SLAMF6: variants seen among roughly 807,000 people sequenced by gnomAD.
SLAMF6 encodes SLAM family member 6.
In SLAMF6, 21 loss-of-function variants were observed where a neutral mutation model predicts 38.3. The observed-to-expected ratio is 0.55, with a 90% CI of 0.39 to 0.79. The LOEUF is 0.79. Ranked by LOEUF, SLAMF6 falls within the 30% of genes least tolerant of loss-of-function variation. The pLI is 0.00. For synonymous variants in SLAMF6, 152 were observed against 146.3 expected (o/e 1.04, Z -0.28); for missense variants, 341 against 385.3 (o/e 0.89, Z 0.96).
chr1:160,504,809 A>C (rs935152903), intron 1 of SLAMF6, among the ~76,000 whole-genome samples: 1 of 152,242 alleles, frequency 6.6e-6, no homozygotes, highest in African/African-American at 2.4e-5. Flanking sequence ...TCAGGCATTA[A>C]GAAAATGTCT....
At chr1:160,516,304 A>G (rs1654740032) in intron 1 of SLAMF6, among the ~76,000 whole-genome samples, 2 of 152,204 alleles carry the variant, frequency 1.3e-5, no homozygotes, top group Admixed American at 1.3e-4. Flanking sequence ...AAGGAAGTGA[A>G]GGAACCTCTT....
intron 1 of SLAMF6, among the ~76,000 whole-genome samples, chr1:160,518,523 A>G (rs1251079191): frequency 6.6e-6 from 1 of 152,152 alleles, no homozygotes; most frequent in Non-Finnish European, 1.5e-5. Flanking sequence ...AATCAACCCA[A>G]ATGCCCATCA....
chr1:160,496,524 G>A lies in SLAMF6; in HGVS notation c.50-131C>T, dbSNP rs1557938416. The A allele has an allele frequency of 6.0e-6, 5 of 838,014 alleles. No individual in the cohort carries two copies. In the East Asian group the frequency reaches 1.0e-4, roughly 17 times the overall value. 51.9% of individuals were successfully genotyped at this position (838,014 alleles called of 1,614,324 possible). A position where few individuals can be genotyped will look rare whatever the true frequency, so the allele number is the denominator to read the frequency against. On this transcript the variant is annotated intron_variant, in intron 1 of 7. Transcript: ENST00000368057. ...CAAAACTCAGAGATATGACAGAGTA[G>A]GAAAGGGTAGGAGATGTTTCTAAAT...
chr1:160,514,744 C>A (rs570533882), intron 1 of SLAMF6, among the ~76,000 whole-genome samples: 1 of 152,284 alleles, frequency 6.6e-6, no homozygotes, highest in South Asian at 2.1e-4. Flanking sequence ...ACAACCTGCT[C>A]CTGCATGACT....
intron 6 of SLAMF6, among the ~76,000 whole-genome samples, chr1:160,488,216 GT>G (rs990807109): frequency 3.3e-5 from 5 of 151,822 alleles, no homozygotes; most frequent in African/African-American, 1.2e-4. Context: ...TGGGAAATTA[GT>G]TTTTTGATTT....
intron 1 of SLAMF6, among the ~76,000 whole-genome samples, chr1:160,500,372 G>A (rs1653818891): frequency 6.6e-6 from 1 of 152,096 alleles, no homozygotes; most frequent in Non-Finnish European, 1.5e-5. Context: ...AGCCCCCTTG[G>A]CTATTCCTTG....
At chr1:160,502,193 G>T (rs1183905666) in intron 1 of SLAMF6, among the ~76,000 whole-genome samples, 1 of 152,148 alleles carries the variant, frequency 6.6e-6, no homozygotes. Flanking sequence ...GAATAAGCAG[G>T]GCATCTAAAT....
At chr1:160,487,034 T>C (rs1390663600) in intron 7 of SLAMF6, 70 bp downstream of exon 7, 4 of 1,381,010 alleles carry the variant, frequency 2.9e-6, no homozygotes, top group Non-Finnish European at 4.1e-6. Flanking sequence ...TTATTTTTAC[T>C]TTATTTGAAA....
intron 1 of SLAMF6, among the ~76,000 whole-genome samples, chr1:160,518,901 CA>C (rs1654865396): frequency 6.6e-6 from 1 of 151,992 alleles, no homozygotes; most frequent in South Asian, 2.1e-4. Context: ...GCATATCCTG[CA>C]CGTGTATCCT....
rs1319205696 is a variant in SLAMF6 at position 160,485,373 on chromosome 1, A to C, written c.*1334T>G. On this transcript the variant is annotated 3_prime_UTR_variant, in exon 8 of 8. Coordinates refer to ENST00000368057, the MANE Select transcript of SLAMF6 (RefSeq NM_001184714.2). ...AGCCTAGAAGATTCATTTTAGAAAG[A>C]GTGGTCTGGGAAGGTTTCTCTTAGG... The C allele has an allele frequency of 6.6e-6, 1 of 152,190 alleles. No individual in the cohort carries two copies. The highest frequency in any genetic ancestry group is 6.6e-5 in the Admixed American group (1 of 15,266). The allele number at this position is 152,190 out of a possible 1,614,324, so 9.4% of individuals were successfully genotyped here.
chr1:160,496,357 A>G lies in SLAMF6; in HGVS notation c.86T>C (p.Met29Thr), dbSNP rs1440680514. ...TGACTCCCCCAGAATCCCGTTCACC[A>G]TCAATGGGGTTAAGCTGCTTTGTGA... ...VVSQSSLTPL[M>T]VNGILGESVT... The change falls in exon 2 of 8, where the codon ATG becomes ACG. Residue 29 changes from methionine to threonine, a missense_variant. Met to Thr is a moderately conservative substitution (Grantham distance 81, BLOSUM62 -1). Coordinates refer to ENST00000368057, the MANE Select transcript of SLAMF6 (RefSeq NM_001184714.2). 1.2e-6 allele frequency: 2 copies of G among 1,613,982 alleles called. No individual in the cohort carries two copies. The highest frequency in any genetic ancestry group is 2.2e-5 in the South Asian group (2 of 91,082).
At chr1:160,510,775 T>C (rs1177653776) in intron 1 of SLAMF6, among the ~76,000 whole-genome samples, 1 of 152,144 alleles carries the variant, frequency 6.6e-6, no homozygotes, top group Non-Finnish European at 1.5e-5. Flanking sequence ...TGCATCTCAA[T>C]TGAAAAAGAA....
At chr1:160,511,531 G>A (rs934631310) in intron 1 of SLAMF6, among the ~76,000 whole-genome samples, 2 of 152,186 alleles carry the variant, frequency 1.3e-5, no homozygotes, top group Non-Finnish European at 2.9e-5. Context: ...TCAACAGAAT[G>A]AAGTTGGGCC....
intron 1 of SLAMF6, among the ~76,000 whole-genome samples, chr1:160,501,992 G>T (rs1653926070): frequency 6.6e-6 from 1 of 152,150 alleles, no homozygotes. Context: ...GTGAAGGTCA[G>T]ATGCTACTGA....
chr1:160,503,089 G>T (rs74124829), intron 1 of SLAMF6, among the ~76,000 whole-genome samples: 2,019 of 152,276 alleles, frequency 0.013, 42 homozygotes, highest in African/African-American at 0.047. Context: ...GGTAGACGTG[G>T]TTCTCCTTTT....
At position 160,499,234 on chromosome 1, in the gene SLAMF6, G is replaced by C. The variant is rs114363431; in HGVS notation, c.50-2841C>G. ...TTTGATCCATCTTGAGTTAATTTTC[G>C]TATATGGTTAAAGGTAAGGGTCCAG... On this transcript the variant is annotated intron_variant, in intron 1 of 7. Coordinates refer to ENST00000368057, the MANE Select transcript of SLAMF6 (RefSeq NM_001184714.2). Among the ~76,000 whole-genome samples, 344 of 152,134 alleles carry C rather than the reference G, an allele frequency of 2.3e-3. 3 individuals are homozygous for C. Among genetic ancestry groups the C allele is most frequent in the Admixed American group, 0.018 (278 of 15,270 alleles).
intron 1 of SLAMF6, 54 bp downstream of exon 1, chr1:160,523,090 T>C (rs191145620): frequency 1.3e-6 from 2 of 1,590,526 alleles, no homozygotes; most frequent in Admixed American, 1.7e-5. Flanking sequence ...TTGAGCAAGC[T>C]GCACAAAACC....
At chr1:160,516,430 G>A (rs529012099) in intron 1 of SLAMF6, among the ~76,000 whole-genome samples, 104 of 152,096 alleles carry the variant, frequency 6.8e-4, no homozygotes, top group African/African-American at 2.2e-3. Context: ...CATACTGCCC[G>A]AAGTAATTAA....
intron 6 of SLAMF6, among the ~76,000 whole-genome samples, chr1:160,487,720 A>G (rs1302139475): frequency 6.6e-6 from 1 of 152,218 alleles, no homozygotes; most frequent in Non-Finnish European, 1.5e-5. Flanking sequence ...AAATAATAGC[A>G]GAAGTCCCTA....
Sources: gnomAD v4.1 joint callset for allele counts (sites outside exome capture counted in the v4.1 genomes callset) on GRCh38, gnomAD v4.1.1 for gene constraint, MANE v1.5 for transcripts, NCBI Gene and HGNC (gene_info 2026-07-23, HGNC 2026-07-21) for gene names.